PRKD1: variants seen among roughly 807,000 people sequenced by gnomAD.
PRKD1 encodes the protein serine/threonine-protein kinase D1.
Under a neutral mutation model 95.9 loss-of-function variants are expected in PRKD1, and 63 were observed. The ratio of observed to expected loss-of-function variants is 0.66; its 90% CI spans 0.54 to 0.81. PRKD1 has a LOEUF of 0.81. PRKD1 is among the 30% of genes least tolerant of loss of function. PRKD1 has a pLI of 0.00. For synonymous variants in PRKD1, 425 were observed against 423.1 expected (o/e 1.00, Z -0.05); for missense variants, 1,048 against 1,165.3 (o/e 0.90, Z 1.47).
chr14:29,795,324 C>G (rs1889765902), intron 1 of PRKD1, among the ~76,000 whole-genome samples: 1 of 151,890 alleles, frequency 6.6e-6, no homozygotes, highest in Non-Finnish European at 1.5e-5. Flanking sequence ...CATTCAATCT[C>G]TTTTATATAC....
intron 1 of PRKD1, among the ~76,000 whole-genome samples, chr14:29,893,794 A>T (rs954775554): frequency 6.6e-6 from 1 of 152,162 alleles, no homozygotes; most frequent in Non-Finnish European, 1.5e-5. Context: ...GCTCCTAGAT[A>T]TGACTCTACA....
At chr14:29,850,812 A>T (rs1409825199) in intron 1 of PRKD1, among the ~76,000 whole-genome samples, 1 of 152,062 alleles carries the variant, frequency 6.6e-6, no homozygotes, top group Admixed American at 6.6e-5. Flanking sequence ...GTATTACATT[A>T]CCTGACTTCA....
At chr14:29,793,187 T>C (rs1366213014) in intron 1 of PRKD1, among the ~76,000 whole-genome samples, 1 of 151,902 alleles carries the variant, frequency 6.6e-6, no homozygotes, top group Admixed American at 6.6e-5. Context: ...TTTATTGAAA[T>C]GGTAGGTGTT....
intron 2 of PRKD1, among the ~76,000 whole-genome samples, chr14:29,700,392 G>T (rs1037273354): frequency 1.1e-4 from 16 of 152,162 alleles, no homozygotes; most frequent in Middle Eastern, 3.4e-3. Flanking sequence ...AATCTCTTTT[G>T]ATCTAGAGAA....
chr14:29,715,880 T>A (rs1490726632), intron 2 of PRKD1, among the ~76,000 whole-genome samples: 1 of 152,152 alleles, frequency 6.6e-6, no homozygotes, highest in African/African-American at 2.4e-5. Flanking sequence ...ATTTAGTAAA[T>A]AAGCCACATG....
At chr14:29,734,708 T>C (rs1182188885) in intron 1 of PRKD1, among the ~76,000 whole-genome samples, 3 of 152,226 alleles carry the variant, frequency 2.0e-5, no homozygotes, top group Non-Finnish European at 4.4e-5. Context: ...TCTCCTGCTT[T>C]AGAGTTCTAC....
chr14:29,801,787 C>T (rs1186190542), intron 1 of PRKD1, among the ~76,000 whole-genome samples: 1 of 152,160 alleles, frequency 6.6e-6, no homozygotes, highest in Non-Finnish European at 1.5e-5. Flanking sequence ...CTCCCAGGTT[C>T]AAGCGTTTCT....
At chr14:29,713,061 TGAAGTATTCTG>T (rs1413959582) in intron 2 of PRKD1, among the ~76,000 whole-genome samples, 1 of 152,148 alleles carries the variant, frequency 6.6e-6, no homozygotes, top group Non-Finnish European at 1.5e-5. Context: ...CTTGAGGGTA[TGAAGTATTCTG>T]CCTTTCCTTC....
At chr14:29,766,734 G>C (rs1054129677) in intron 1 of PRKD1, among the ~76,000 whole-genome samples, 10 of 152,092 alleles carry the variant, frequency 6.6e-5, no homozygotes, top group African/African-American at 2.4e-4. Flanking sequence ...TAACGCTTTA[G>C]AATGCAAAAA....
At chr14:29,632,982 A>C in intron 8 of PRKD1, 36 bp from the exon 9 acceptor site, 1 of 1,546,080 alleles carries the variant, frequency 6.5e-7, no homozygotes, top group Non-Finnish European at 8.9e-7. Flanking sequence ...CTTTTTAAAA[A>C]ACTTTAAAAA....
At chr14:29,682,669 A>T (rs959078954) in intron 2 of PRKD1, among the ~76,000 whole-genome samples, 3 of 152,214 alleles carry the variant, frequency 2.0e-5, no homozygotes, top group Admixed American at 6.5e-5. Flanking sequence ...TCAAGTGCTC[A>T]TGGAACTTAG....
chr14:29,771,295 T>C (rs1024760387), intron 1 of PRKD1, among the ~76,000 whole-genome samples: 1 of 152,080 alleles, frequency 6.6e-6, no homozygotes, highest in Admixed American at 6.6e-5. Context: ...GGGCTGCCCC[T>C]CTCATCACAG....
intron 1 of PRKD1, among the ~76,000 whole-genome samples, chr14:29,783,388 C>T (rs576470283): frequency 1.2e-4 from 18 of 152,242 alleles, no homozygotes; most frequent in East Asian, 1.9e-4. Flanking sequence ...TTTCTTTATC[C>T]GTTCATCCGT....
At chr14:29,608,372 T>C (rs1878170557) in intron 13 of PRKD1, among the ~76,000 whole-genome samples, 1 of 152,164 alleles carries the variant, frequency 6.6e-6, no homozygotes, top group Admixed American at 6.5e-5. Context: ...CTTGCCCAAC[T>C]TACATATTAC....
chr14:29,846,884 G>C (rs1464110590), intron 1 of PRKD1, among the ~76,000 whole-genome samples: 2 of 152,188 alleles, frequency 1.3e-5, no homozygotes, highest in Non-Finnish European at 1.5e-5. Flanking sequence ...ATGTGAAAGA[G>C]AGAAGTCAAG....
intron 8 of PRKD1, among the ~76,000 whole-genome samples, 162 bp downstream of exon 8, chr14:29,634,256 C>G (rs1349107686): frequency 6.6e-6 from 1 of 152,190 alleles, no homozygotes; most frequent in Non-Finnish European, 1.5e-5. Flanking sequence ...TCAACTATAT[C>G]TGACACCCAG....
At chr14:29,633,712 A>T (rs1361130864) in intron 8 of PRKD1, among the ~76,000 whole-genome samples, 1 of 152,200 alleles carries the variant, frequency 6.6e-6, no homozygotes, top group East Asian at 1.9e-4. Context: ...ACCATGTCTA[A>T]AAAGAACTAG....
At chr14:29,718,171 C>T (rs747935622) in intron 2 of PRKD1, among the ~76,000 whole-genome samples, 9 of 152,076 alleles carry the variant, frequency 5.9e-5, no homozygotes, top group Non-Finnish European at 1.3e-4. Context: ...TGTCCCCACC[C>T]GAATCTTATC....
At chr14:29,618,637 T>A (rs555895607) in intron 13 of PRKD1, among the ~76,000 whole-genome samples, 1 of 152,322 alleles carries the variant, frequency 6.6e-6, no homozygotes, top group East Asian at 1.9e-4. Flanking sequence ...CTATTCCAAA[T>A]GGCATGAGAT....
Sources: allele counts gnomAD v4.1 joint callset (sites outside exome capture counted in the v4.1 genomes callset), GRCh38; gene constraint gnomAD v4.1.1; transcripts MANE v1.5; gene names NCBI Gene and HGNC (gene_info 2026-07-23, HGNC 2026-07-21).